GATAD2A: variants seen among roughly 807,000 people sequenced by gnomAD.
GATAD2A encodes the protein GATA zinc finger domain containing 2A.
In GATAD2A, 12 loss-of-function variants were observed where a neutral mutation model predicts 68.5. That is an observed-to-expected ratio of 0.18 (90% CI 0.11 to 0.28). GATAD2A has a LOEUF of 0.28. Among genes scored for constraint, GATAD2A ranks in the 10% least tolerant of loss-of-function variants. The pLI is 1.00. For synonymous variants in GATAD2A, 410 were observed against 375.3 expected (o/e 1.09, Z -1.07); for missense variants, 755 against 868.5 (o/e 0.87, Z 1.64).
chr19:19,461,350 CTT>C (rs2057414000), intron 1 of GATAD2A, among the ~76,000 whole-genome samples: 1 of 152,172 alleles, frequency 6.6e-6, no homozygotes, highest in Admixed American at 6.5e-5. Context: ...CTTAATTTCT[CTT>C]TTAATTATCA....
intron 1 of GATAD2A, among the ~76,000 whole-genome samples, chr19:19,406,359 G>C (rs1187765214): frequency 6.6e-6 from 1 of 151,406 alleles, no homozygotes; most frequent in Non-Finnish European, 1.5e-5. Flanking sequence ...GGGACGGGTG[G>C]AGGCGGCGGG....
chr19:19,503,667 T>C lies in GATAD2A; in HGVS notation c.1774+1141T>C, dbSNP rs914099214. Among the ~76,000 whole-genome samples, 29 of 151,898 alleles carry C rather than the reference T, an allele frequency of 1.9e-4. 1 individual carries two copies. Among genetic ancestry groups the C allele is most frequent in the Non-Finnish European group, 2.9e-5 (2 of 67,978 alleles). On this transcript the variant is annotated intron_variant, in intron 11 of 11. Coordinates refer to ENST00000683918, the MANE Select transcript of GATAD2A (RefSeq NM_001384528.1). ...AGCTGTGTGTGTGTGTGTGTGTGTG[T>C]GTGTGTTTAAAGTTTGAAAGGGAGC...
intron 1 of GATAD2A, among the ~76,000 whole-genome samples, chr19:19,452,637 A>G (rs932184393): frequency 2.6e-5 from 4 of 151,878 alleles, no homozygotes; most frequent in Admixed American, 1.3e-4. Flanking sequence ...GAGTGGCAGT[A>G]GGCAGGACAG....
chr19:19,495,723 A>C lies in GATAD2A; in HGVS notation c.625-31A>C, dbSNP rs550607827. The C allele has an allele frequency of 6.5e-5, 103 of 1,585,368 alleles. No individual in the cohort carries two copies. In the South Asian group the frequency reaches 1.0e-3, roughly 16 times the overall value. On this transcript the variant is annotated intron_variant, in intron 5 of 11. Transcript: ENST00000683918. ...AAAAAAGTGTGGGGGGGTCCGGTCCATGTAAATCTGGGTCTTGGTATCGTT... is the reference window on the plus strand; with the variant it reads ...AAAAAAGTGTGGGGGGGTCCGGTCCCTGTAAATCTGGGTCTTGGTATCGTT...
At chr19:19,433,658 A>G (rs1307808449) in intron 1 of GATAD2A, among the ~76,000 whole-genome samples, 1 of 152,236 alleles carries the variant, frequency 6.6e-6, no homozygotes, top group Non-Finnish European at 1.5e-5. Flanking sequence ...GCAAACAACA[A>G]CTTTAGAAAC....
intron 2 of GATAD2A, among the ~76,000 whole-genome samples, chr19:19,470,593 G>T (rs899188750): frequency 8.5e-5 from 13 of 152,246 alleles, no homozygotes; most frequent in African/African-American, 2.4e-4. Flanking sequence ...GACAAAATTG[G>T]CAAGGTATGG....
Position 19,508,021 on chromosome 19 carries a change from C to T in GATAD2A, c.*2547C>T, listed in dbSNP as rs1337285183. 6.6e-6 allele frequency: 1 copy of T among 152,190 alleles called. No homozygotes were observed. The highest frequency in any genetic ancestry group is 1.5e-5 in the Non-Finnish European group (1 of 68,046). 9.4% of individuals were successfully genotyped at this position (152,190 alleles called of 1,614,324 possible). On this transcript the variant is annotated 3_prime_UTR_variant, in exon 12 of 12. Coordinates refer to ENST00000683918, the MANE Select transcript of GATAD2A (RefSeq NM_001384528.1). ...TGTTCTACCCACAGCAAAGCACACC[C>T]TCTTAAACCAGGCACTGCCTGGGTC...
chr19:19,470,059 C>T (rs909133719), intron 2 of GATAD2A, among the ~76,000 whole-genome samples: 3 of 151,652 alleles, frequency 2.0e-5, no homozygotes, highest in East Asian at 1.9e-4. Context: ...CATAAGTAAC[C>T]GCTTGAGAGC....
intron 2 of GATAD2A, among the ~76,000 whole-genome samples, chr19:19,488,284 AAC>A (rs2059575050): frequency 6.6e-6 from 1 of 152,242 alleles, no homozygotes; most frequent in African/African-American, 2.4e-5. Flanking sequence ...TGGTAGACTG[AAC>A]CCTAAGGACA....
At chr19:19,451,944 G>A (rs2056429649) in intron 1 of GATAD2A, among the ~76,000 whole-genome samples, 1 of 152,306 alleles carries the variant, frequency 6.6e-6, no homozygotes, top group South Asian at 2.1e-4. Flanking sequence ...ACTCAAGTGA[G>A]CCTCCCTCCT....
chr19:19,409,933 A>G (rs945934528), intron 1 of GATAD2A, among the ~76,000 whole-genome samples: 1 of 152,196 alleles, frequency 6.6e-6, no homozygotes, highest in African/African-American at 2.4e-5. Flanking sequence ...TTAGTCTTTT[A>G]GAAGACAAAG....
intron 1 of GATAD2A, among the ~76,000 whole-genome samples, chr19:19,445,883 C>T (rs2055653603): frequency 6.6e-6 from 1 of 152,090 alleles, no homozygotes. Flanking sequence ...TAACATTCAC[C>T]TGCACATTTT....
chr19:19,404,258 ATTTT>A (rs111838568), upstream of GATAD2A, among the ~76,000 whole-genome samples: 2 of 146,704 alleles, frequency 1.4e-5, no homozygotes, highest in South Asian at 2.2e-4. Context: ...CAGAAAAACA[ATTTT>A]TTTTTTTTTT....
At chr19:19,486,246 G>A (rs10419912) in intron 2 of GATAD2A, among the ~76,000 whole-genome samples, 65,654 of 152,148 alleles carry the variant, frequency 0.43, 15,576 homozygotes, top group African/African-American at 0.63. Context: ...AGATGTTTCA[G>A]GTTTGCCATT....
intron 2 of GATAD2A, among the ~76,000 whole-genome samples, chr19:19,490,527 CT>C (rs2059718875): frequency 6.6e-6 from 1 of 152,156 alleles, no homozygotes; most frequent in Admixed American, 6.5e-5. Flanking sequence ...AACCAGTTAA[CT>C]TTGTCCGAGT....
At chr19:19,406,935 A>C (rs1377310347) in intron 1 of GATAD2A, among the ~76,000 whole-genome samples, 2 of 152,192 alleles carry the variant, frequency 1.3e-5, no homozygotes, top group Non-Finnish European at 2.9e-5. Flanking sequence ...TGTAGGTCTG[A>C]CTTAACGTCT....
rs1371993062 is a variant in GATAD2A at position 19,506,668 on chromosome 19, T to C, written c.*1194T>C. 2.0e-5 allele frequency: 3 copies of C among 152,360 alleles called. No individual in the cohort carries two copies. Among genetic ancestry groups the C allele is most frequent in the South Asian group, 4.1e-4 (2 of 4,826 alleles). The allele number at this position is 152,360 out of a possible 1,614,324, so 9.4% of individuals were successfully genotyped here. The stretch of plus-strand genomic sequence containing the variant: ...GTCTACAAAAATGTTTTTAAAAGGA[T>C]CAGGTCTGCTTTTAGTTTCATTTTT... On this transcript the variant is annotated 3_prime_UTR_variant, in exon 12 of 12. Transcript: ENST00000683918.
At chr19:19,420,005 CTTTTTTT>C (rs397859927) in intron 1 of GATAD2A, among the ~76,000 whole-genome samples, 3 of 68,712 alleles carry the variant, frequency 4.4e-5, no homozygotes, top group African/African-American at 2.2e-4. Flanking sequence ...ACCATCTTGA[CTTTTTTT>C]TTTTTTTTTT....
intron 1 of GATAD2A, among the ~76,000 whole-genome samples, chr19:19,447,333 G>T (rs963413373): frequency 1.3e-5 from 2 of 152,134 alleles, no homozygotes; most frequent in Non-Finnish European, 2.9e-5. Flanking sequence ...GGGCACAGGG[G>T]TGGCTGGATT....
Sources: allele counts gnomAD v4.1 joint callset (sites outside exome capture counted in the v4.1 genomes callset), GRCh38; gene constraint gnomAD v4.1.1; transcripts MANE v1.5; gene names NCBI Gene and HGNC (gene_info 2026-07-23, HGNC 2026-07-21).